The following LRRC8D variants were observed in gnomAD, a reference collection of about 807,000 sequenced individuals.
The protein encoded by LRRC8D is leucine rich repeat containing 8 VRAC subunit D, also known as volume-regulated anion channel subunit LRRC8D.
Under a neutral mutation model 55.8 loss-of-function variants are expected in LRRC8D, and 20 were observed. The ratio of observed to expected loss-of-function variants is 0.36; its 90% confidence interval spans 0.25 to 0.52. LRRC8D has a LOEUF of 0.52. LRRC8D is among the 20% of genes least tolerant of loss of function. The probability of loss-of-function intolerance (pLI) is 0.93; values close to 1 mark genes in which losing one functional copy is unlikely to be tolerated. For missense variants in LRRC8D, 651 were observed against 1,030.8 expected, an observed-to-expected ratio of 0.63 and a Z score of 5.05; for synonymous variants, 352 against 377.0, an observed-to-expected ratio of 0.93 and a Z score of 0.77.
In LRRC8D at chr1:89,935,446, A is replaced by C; in HGVS notation, c.2378A>C (p.Lys793Thr). ...AACTGCATCACCTCACTCCCAGAGAAAGTTGGTCAGCTCTCCCAGCTCACT... is the reference window on the plus strand; with the variant it reads ...AACTGCATCACCTCACTCCCAGAGACAGTTGGTCAGCTCTCCCAGCTCACT... Reference protein sequence around the residue: ...GQNCITSLPEKVGQLSQLTQL... With the variant: ...GQNCITSLPETVGQLSQLTQL... The change falls in exon 3 of 3, where the codon AAA becomes ACA. Residue 793 changes from lysine (K) to threonine (T), a missense_variant. By Grantham distance (78) the Lys-to-Thr change is moderately conservative (BLOSUM62 -1). This residue lies in a region of LRRC8D where 338 missense variants were observed against 479.4 expected (regional missense o/e 0.71). Coordinates refer to ENST00000337338, the MANE Select transcript of LRRC8D (RefSeq NM_001134479.2). 1 of 1,614,246 alleles carries C rather than the reference A, an allele frequency of 6.2e-7. No individual in the cohort carries two copies. The highest frequency in any genetic ancestry group is 2.2e-5 in the East Asian group (1 of 44,884).
At chr1:89,926,955 G>C (rs1382943105) in intron 2 of LRRC8D, among the ~76,000 whole-genome samples, 1 of 152,208 alleles carries the variant, frequency 6.6e-6, no homozygotes, top group Non-Finnish European at 1.5e-5. Flanking sequence ...TGGCTGCTTA[G>C]AGTAATGTTG....
chr1:89,931,865 C>T (rs1472795438), intron 2 of LRRC8D, among the ~76,000 whole-genome samples: 1 of 152,078 alleles, frequency 6.6e-6, no homozygotes, highest in Non-Finnish European at 1.5e-5. Flanking sequence ...ATTTTTATTG[C>T]TTGGTCTTTT....
intron 1 of LRRC8D, among the ~76,000 whole-genome samples, 155 bp downstream of exon 1, chr1:89,821,446 C>T (rs1344355480): frequency 1.3e-5 from 2 of 152,152 alleles, no homozygotes; most frequent in Non-Finnish European, 2.9e-5. Flanking sequence ...GTCCGGGGGT[C>T]GGGAGGAGGT....
intron 1 of LRRC8D, among the ~76,000 whole-genome samples, chr1:89,842,056 C>A (rs1557445104): frequency 6.6e-6 from 1 of 151,584 alleles, no homozygotes; most frequent in East Asian, 1.9e-4. Context: ...ACTAAAAATA[C>A]AAAAAAATTA....
At chr1:89,877,023 T>G (rs902832375) in intron 2 of LRRC8D, among the ~76,000 whole-genome samples, 1 of 152,244 alleles carries the variant, frequency 6.6e-6, no homozygotes, top group Non-Finnish European at 1.5e-5. Context: ...AATTTAAACC[T>G]CAATAGCCAC....
intron 2 of LRRC8D, among the ~76,000 whole-genome samples, chr1:89,893,782 A>G (rs1341381914): frequency 6.6e-6 from 1 of 152,194 alleles, no homozygotes; most frequent in Non-Finnish European, 1.5e-5. Flanking sequence ...CTCTTTTTTC[A>G]GTAGAGCATA....
intron 2 of LRRC8D, among the ~76,000 whole-genome samples, chr1:89,886,964 A>G (rs1662434857): frequency 6.6e-6 from 1 of 152,358 alleles, no homozygotes. Flanking sequence ...AATGTTTTAA[A>G]AAGACATTTT....
At chr1:89,892,771 C>T (rs556122140) in intron 2 of LRRC8D, among the ~76,000 whole-genome samples, 7 of 152,306 alleles carry the variant, frequency 4.6e-5, no homozygotes, top group South Asian at 2.1e-4. Flanking sequence ...CCACCCACCT[C>T]GGCCTTCCAA....
At chr1:89,888,961 T>C (rs1221213860) in intron 2 of LRRC8D, among the ~76,000 whole-genome samples, 1 of 152,192 alleles carries the variant, frequency 6.6e-6, no homozygotes, top group East Asian at 1.9e-4. Flanking sequence ...TTTATGTAGG[T>C]ATTCCACTCT....
At chr1:89,866,079 C>T (rs1424822546) in intron 2 of LRRC8D, among the ~76,000 whole-genome samples, 1 of 152,172 alleles carries the variant, frequency 6.6e-6, no homozygotes, top group Non-Finnish European at 1.5e-5. Context: ...TAGCACATAC[C>T]TTCATGTCAT....
At chr1:89,856,001 T>C (rs139731750) in intron 2 of LRRC8D, among the ~76,000 whole-genome samples, 4 of 152,170 alleles carry the variant, frequency 2.6e-5, no homozygotes, top group African/African-American at 9.6e-5. Context: ...AAGATATGTA[T>C]GTATAATTCA....
chr1:89,882,991 C>T (rs913207732), intron 2 of LRRC8D, among the ~76,000 whole-genome samples: 84 of 152,196 alleles, frequency 5.5e-4, no homozygotes, highest in African/African-American at 2.0e-3. Flanking sequence ...AACTGCCAGT[C>T]AAGGGAGTTT....
At chr1:89,827,736 C>T (rs1352834692) in intron 1 of LRRC8D, among the ~76,000 whole-genome samples, 1 of 152,168 alleles carries the variant, frequency 6.6e-6, no homozygotes, top group Non-Finnish European at 1.5e-5. Context: ...GGTACTCTGT[C>T]AGTGTGGTTA....
chr1:89,930,960 A>G (rs1308569800), intron 2 of LRRC8D, among the ~76,000 whole-genome samples: 2 of 150,720 alleles, frequency 1.3e-5, no homozygotes, highest in Non-Finnish European at 2.9e-5. Flanking sequence ...CACTTCCCCT[A>G]CTAAGGTACA....
At chr1:89,857,277 G>A (rs1351293187) in intron 2 of LRRC8D, among the ~76,000 whole-genome samples, 2 of 151,384 alleles carry the variant, frequency 1.3e-5, no homozygotes, top group African/African-American at 2.4e-5. Context: ...CAGTTACTTG[G>A]AGGCTGAGGC....
At chr1:89,895,826 T>C (rs539462155) in intron 2 of LRRC8D, among the ~76,000 whole-genome samples, 2 of 152,310 alleles carry the variant, frequency 1.3e-5, no homozygotes, top group Admixed American at 1.3e-4. Context: ...ATGTATAATT[T>C]GTGAGGCCCA....
At chr1:89,916,364 GTTTGT>G (rs749413822) in intron 2 of LRRC8D, among the ~76,000 whole-genome samples, 4 of 152,152 alleles carry the variant, frequency 2.6e-5, no homozygotes, top group Non-Finnish European at 5.9e-5. Context: ...TAAAACATTT[GTTTGT>G]TTTATCAAAT....
chr1:89,834,930 C>T (rs1211027707), intron 1 of LRRC8D, among the ~76,000 whole-genome samples: 30 of 152,140 alleles, frequency 2.0e-4, no homozygotes, highest in Admixed American at 2.0e-3. Flanking sequence ...TTACAGAGGG[C>T]CTAGAGTGTC....
chr1:89,846,812 A>C (rs2100755106), intron 2 of LRRC8D, among the ~76,000 whole-genome samples: 1 of 152,270 alleles, frequency 6.6e-6, no homozygotes, highest in Non-Finnish European at 1.5e-5. Context: ...ACCTTTTGTC[A>C]GGTTTTAGTG....
Sources: allele counts gnomAD v4.1 joint callset (sites outside exome capture counted in the v4.1 genomes callset), GRCh38; gene constraint gnomAD v4.1.1; regional missense constraint gnomAD v4.1.1; transcripts MANE v1.5; gene names NCBI Gene and HGNC (gene_info 2026-07-23, HGNC 2026-07-21).